ABLIM1: variants seen among roughly 807,000 people sequenced by gnomAD.
The protein encoded by ABLIM1 is actin-binding LIM protein 1.
Under a neutral mutation model 107.0 loss-of-function variants are expected in ABLIM1, and 40 were observed. That is an observed-to-expected ratio of 0.37 (90% CI 0.29 to 0.49). The LOEUF (loss-of-function observed/expected upper bound fraction) is 0.49. ABLIM1 is among the 20% of genes least tolerant of loss of function. The pLI is 0.97. For synonymous variants in ABLIM1, 357 were observed against 357.3 expected, an observed-to-expected ratio of 1.00 and a Z score of 0.01; for missense variants, 857 against 1,008.5, an observed-to-expected ratio of 0.85 and a Z score of 2.04.
chr10:114,675,399 A>G (rs954265747), intron 1 of ABLIM1, among the ~76,000 whole-genome samples: 3 of 152,092 alleles, frequency 2.0e-5, no homozygotes, highest in African/African-American at 7.2e-5. Flanking sequence ...GTCTCACAAG[A>G]TCTGATGGTT....
At chr10:114,628,845 A>C (rs1417606026) in intron 1 of ABLIM1, among the ~76,000 whole-genome samples, 1 of 152,202 alleles carries the variant, frequency 6.6e-6, no homozygotes, top group African/African-American at 2.4e-5. Context: ...TAAAACTTGC[A>C]CTATAACACC....
Position 114,472,452 on chromosome 10 carries a change from T to C in ABLIM1, c.1275+525A>G, listed in dbSNP as rs983835444. Reference sequence around the variant, plus strand: ...AAGTCAAACAATCGGCATGTGGTGATCCCTGGGTTGAGACCAGGTAATTTG... The same window carrying C: ...AAGTCAAACAATCGGCATGTGGTGACCCCTGGGTTGAGACCAGGTAATTTG... On this transcript the variant is annotated intron_variant, in intron 10 of 22. Coordinates refer to ENST00000533213, the MANE Select transcript of ABLIM1 (RefSeq NM_002313.7). Among the ~76,000 whole-genome samples, 4 of 152,142 alleles carry C rather than the reference T, an allele frequency of 2.6e-5. 1 individual carries two copies. Among genetic ancestry groups the C allele is most frequent in the Non-Finnish European group, 5.9e-5 (4 of 68,018 alleles).
intron 6 of ABLIM1, among the ~76,000 whole-genome samples, chr10:114,520,211 G>C (rs968856663): frequency 1.3e-5 from 2 of 152,226 alleles, no homozygotes; most frequent in African/African-American, 4.8e-5. Flanking sequence ...TGGAGTCACA[G>C]CTCCAAGCCA....
intron 1 of ABLIM1, among the ~76,000 whole-genome samples, chr10:114,703,317 A>G (rs1389839214): frequency 6.6e-6 from 1 of 152,172 alleles, no homozygotes; most frequent in East Asian, 1.9e-4. Flanking sequence ...TCTAATTACT[A>G]GTCTGAATGC....
intron 1 of ABLIM1, among the ~76,000 whole-genome samples, chr10:114,700,538 C>T (rs1442147872): frequency 6.6e-6 from 1 of 150,484 alleles, no homozygotes; most frequent in Admixed American, 6.6e-5. Flanking sequence ...AGATGGAGAA[C>T]TTACTCTACA....
intron 4 of ABLIM1, among the ~76,000 whole-genome samples, chr10:114,569,505 C>T (rs7915301): frequency 6.6e-6 from 1 of 151,554 alleles, no homozygotes; most frequent in African/African-American, 2.4e-5. Flanking sequence ...TTTTTAGTAG[C>T]GATGGGGTTT....
chr10:114,447,987 T>G lies in ABLIM1; in HGVS notation c.1628A>C (p.Asp543Ala). Residue 543 changes from aspartate (D) to alanine (A), a missense_variant, in exon 15 of 23, where the codon GAT becomes GCT. Asp to Ala is a moderately radical substitution (Grantham distance 126). Around this residue, in one of 5 missense-constraint regions of ABLIM1, gnomAD observed 103 missense variants for 101.0 expected, o/e 1.02. Transcript: ENST00000533213. ...TGGGAACTTGGAAAACTTGATGATA[T>G]CTTCTGAGGACTTGCTCTGGGCTGC... ...ALAAQSKSSEDIIKFSKFPAA... is the reference protein window; with the variant it reads ...ALAAQSKSSEAIIKFSKFPAA... 1 of 1,614,134 alleles carries G rather than the reference T, an allele frequency of 6.2e-7. No homozygotes were observed. The highest frequency in any genetic ancestry group is 8.5e-7 in the Non-Finnish European group (1 of 1,180,008).
chr10:114,491,004 G>GTATA (rs1397165080), intron 7 of ABLIM1, among the ~76,000 whole-genome samples: 19 of 79,652 alleles, frequency 2.4e-4, no homozygotes, highest in South Asian at 7.5e-4. Context: ...GTGTGTGTGT[G>GTATA]TGTGTGTGTA....
chr10:114,546,215 C>T (rs2067321735), intron 5 of ABLIM1, among the ~76,000 whole-genome samples: 1 of 151,912 alleles, frequency 6.6e-6, no homozygotes, highest in South Asian at 2.1e-4. Context: ...GCATAGCTTG[C>T]AATGTTCCGT....
intron 6 of ABLIM1, among the ~76,000 whole-genome samples, chr10:114,499,977 T>C (rs531356572): frequency 2.0e-5 from 3 of 152,298 alleles, no homozygotes; most frequent in Non-Finnish European, 4.4e-5. Context: ...TGCAGCATCA[T>C]GAACAGGCAG....
chr10:114,773,131 C>T, the ABLIM1 span, among the ~76,000 whole-genome samples: 3 of 151,592 alleles, frequency 2.0e-5, no homozygotes, highest in African/African-American at 7.3e-5. Flanking sequence ...TCCTAAGAAA[C>T]AATTTTAAAA....
In ABLIM1 at chr10:114,433,334, T is replaced by C. The variant is rs561073825; in HGVS notation, c.*2926A>G. ...AGTTTAACTAAATGTGCAGGCATTC[T>C]AGCCCACACATTCAATCTGGCAGTT... On this transcript the variant is annotated 3_prime_UTR_variant, in exon 23 of 23. Transcript: ENST00000533213. The C allele has an allele frequency of 6.6e-6, 1 of 152,364 alleles. No individual in the cohort carries two copies. The highest frequency in any genetic ancestry group is 2.1e-4 in the South Asian group (1 of 4,826). 9.4% of individuals were successfully genotyped at this position (152,364 alleles called of 1,614,324 possible).
At chr10:114,485,454 TA>T in intron 8 of ABLIM1, 1 of 1,365,810 alleles carries the variant, frequency 7.3e-7, no homozygotes, top group Non-Finnish European at 9.9e-7. Flanking sequence ...TTTTAAAAAA[TA>T]AAACAAAACA....
chr10:114,725,097 C>T (rs1258491665), intron 1 of ABLIM1, among the ~76,000 whole-genome samples: 1 of 152,206 alleles, frequency 6.6e-6, no homozygotes. Flanking sequence ...GCATCGGGCC[C>T]TCACTCCAAA....
intron 1 of ABLIM1, among the ~76,000 whole-genome samples, chr10:114,706,204 A>G (rs2081417367): frequency 6.6e-6 from 1 of 152,238 alleles, no homozygotes; most frequent in Non-Finnish European, 1.5e-5. Context: ...ACAAATCAGT[A>G]TAGCAAAGGC....
At chr10:114,506,162 C>T (rs935943156) in intron 6 of ABLIM1, among the ~76,000 whole-genome samples, 2 of 152,204 alleles carry the variant, frequency 1.3e-5, no homozygotes, top group South Asian at 2.1e-4. Flanking sequence ...CAGCCTCCAG[C>T]AGCATCCATG....
At chr10:114,719,044 A>G (rs2081774897) in intron 1 of ABLIM1, among the ~76,000 whole-genome samples, 1 of 152,198 alleles carries the variant, frequency 6.6e-6, no homozygotes, top group African/African-American at 2.4e-5. Flanking sequence ...TATAATAATG[A>G]CCAACCGTCA....
chr10:114,749,645 A>G (rs563145340), intron 1 of ABLIM1, among the ~76,000 whole-genome samples: 1 of 152,256 alleles, frequency 6.6e-6, no homozygotes, highest in Non-Finnish European at 1.5e-5. Context: ...CGTTTCACTC[A>G]GTAAAAGCCA....
rs753073525 is a variant in ABLIM1 at position 114,658,070 on chromosome 10, A to T, written c.131T>A (p.Val44Asp). ...ATGAGCGGTGAAGGAGGTCCCAGAGACCCTCCGGTCCTCAACAATCAGTCT... is the reference window on the plus strand; with the variant it reads ...ATGAGCGGTGAAGGAGGTCCCAGAGTCCCTCCGGTCCTCAACAATCAGTCT... ...RKRLIVEDRRVSGTSFTAHRR... is the reference protein window; with the variant it reads ...RKRLIVEDRRDSGTSFTAHRR... Residue 44 changes from valine (V) to aspartate (D), a missense_variant, in exon 1 of 23, where the codon GTC (valine) becomes GAC (aspartate). Physicochemically the swap from Val to Asp is radical, Grantham distance 152. Coordinates refer to ENST00000533213, the MANE Select transcript of ABLIM1 (RefSeq NM_002313.7). The T allele has an allele frequency of 1.2e-6, 2 of 1,614,010 alleles. No individual in the cohort carries two copies. The highest frequency in any genetic ancestry group is 2.2e-5 in the South Asian group (2 of 91,062).
Sources: allele counts gnomAD v4.1 joint callset (sites outside exome capture counted in the v4.1 genomes callset), GRCh38; gene constraint gnomAD v4.1.1; regional missense constraint gnomAD v4.1.1; transcripts MANE v1.5; gene names NCBI Gene and HGNC (gene_info 2026-07-23, HGNC 2026-07-21).